TKTL1: variants seen among roughly 807,000 people sequenced by gnomAD.
TKTL1 encodes transketolase-like protein 1.
In TKTL1, 1 loss-of-function variant was observed where a neutral mutation model predicts 39.3. That is an observed-to-expected ratio of 0.03 (90% confidence interval 0.01 to 0.12). The LOEUF is 0.12. Ranked by LOEUF, TKTL1 falls within the 10% of genes least tolerant of loss-of-function variation. The probability of loss-of-function intolerance (pLI) is 1.00; values close to 1 mark genes in which losing one functional copy is unlikely to be tolerated. For missense variants in TKTL1, 575 were observed against 509.6 expected (o/e 1.13, Z -1.24); for synonymous variants, 262 against 193.8 (o/e 1.35, Z -2.92).
At chrX:154,306,345 A>T (rs1460340506) in intron 2 of TKTL1, among the ~76,000 whole-genome samples, 1 of 111,564 alleles carries the variant, frequency 9.0e-6, no homozygotes, top group Non-Finnish European at 1.9e-5. Flanking sequence ...ACTGTGTCCA[A>T]ATAGAAATGC....
At chrX:154,300,406 CATGAG>C (rs1429527047) in intron 1 of TKTL1, among the ~76,000 whole-genome samples, 1 of 112,530 alleles carries the variant, frequency 8.9e-6, no homozygotes, top group Non-Finnish European at 1.9e-5. Context: ...TATCCATGAG[CATGAG>C]ATATCTTTGT....
intron 8 of TKTL1, among the ~76,000 whole-genome samples, chrX:154,321,477 C>A (rs782709796): frequency 2.6e-5 from 2 of 75,506 alleles, no homozygotes; most frequent in African/African-American, 1.2e-4. Context: ...GGGATTGAAA[C>A]AAGGTGTGCA....
intron 1 of TKTL1, among the ~76,000 whole-genome samples, chrX:154,297,723 G>A (rs925066894): frequency 1.8e-5 from 2 of 110,699 alleles, no homozygotes; most frequent in Non-Finnish European, 1.9e-5. Flanking sequence ...CGGATCGTGT[G>A]AGCCTAGAAA....
chrX:154,322,229 CAAAA>C (rs34229834), intron 8 of TKTL1, among the ~76,000 whole-genome samples: 503 of 41,828 alleles, frequency 0.012, 5 homozygotes, highest in African/African-American at 0.037. Context: ...GAGGCTTTGT[CAAAA>C]AAAAAAAAAA....
At chrX:154,312,847 C>T (rs781827649) in intron 6 of TKTL1, 74 bp downstream of exon 6, 1 of 970,415 alleles carries the variant, frequency 1.0e-6, no homozygotes, top group East Asian at 3.2e-5. Flanking sequence ...TTCGTATGTA[C>T]ACAGGATTCT....
At chrX:154,306,875 G>A (rs1025567534) in intron 2 of TKTL1, among the ~76,000 whole-genome samples, 1 of 110,493 alleles carries the variant, frequency 9.1e-6, no homozygotes, top group Admixed American at 9.7e-5. Context: ...GGGCCCAAGC[G>A]CCCACCTCTG....
intron 2 of TKTL1, 96 bp downstream of exon 2, chrX:154,305,517 G>A (rs2067308489): frequency 4.8e-6 from 5 of 1,033,724 alleles, no homozygotes; most frequent in East Asian, 3.1e-5. Flanking sequence ...AATGGGCCTC[G>A]TTTATTATTT....
intron 7 of TKTL1, 80 bp downstream of exon 7, chrX:154,315,417 C>T: frequency 9.8e-7 from 1 of 1,016,532 alleles, no homozygotes; most frequent in Non-Finnish European, 1.3e-6. Context: ...GCTAGTTTTT[C>T]TTTCCATTTA....
chrX:154,296,425 G>A (rs1343094276), intron 1 of TKTL1, among the ~76,000 whole-genome samples: 4 of 111,085 alleles, frequency 3.6e-5, no homozygotes, highest in Non-Finnish European at 7.5e-5. Flanking sequence ...GTGAATGAGC[G>A]ACTCTAACCC....
At chrX:154,326,078 G>A (rs1434235598) in intron 10 of TKTL1, among the ~76,000 whole-genome samples, 1 of 112,130 alleles carries the variant, frequency 8.9e-6, no homozygotes, top group Non-Finnish European at 1.9e-5. Flanking sequence ...GAATAAAAGG[G>A]AACATGATCT....
chrX:154,298,199 C>T (rs1405914796), intron 1 of TKTL1, among the ~76,000 whole-genome samples: 3 of 110,653 alleles, frequency 2.7e-5, no homozygotes, highest in African/African-American at 9.9e-5. Context: ...GTATTAATGA[C>T]TCCACTTTAA....
chrX:154,322,322 A>G (rs1173503727), intron 8 of TKTL1, among the ~76,000 whole-genome samples: 2 of 108,259 alleles, frequency 1.8e-5, no homozygotes, highest in Non-Finnish European at 3.8e-5. Flanking sequence ...ATCTGTGGTC[A>G]GGAGTTTGAG....
intron 2 of TKTL1, 131 bp from the exon 3 acceptor site, chrX:154,309,214 A>G (rs2067336931): frequency 1.9e-6 from 1 of 532,710 alleles, no homozygotes; most frequent in South Asian, 2.7e-5. Context: ...TTCACCCAGC[A>G]GGGCGGGAGG....
intron 1 of TKTL1, among the ~76,000 whole-genome samples, chrX:154,302,490 C>G (rs1469585605): frequency 9.0e-6 from 1 of 111,095 alleles, no homozygotes; most frequent in Admixed American, 9.6e-5. Context: ...CCTTCCCCCC[C>G]GTATCCTCAC....
intron 10 of TKTL1, 134 bp from the exon 11 acceptor site, chrX:154,327,457 T>C: frequency 1.6e-6 from 1 of 611,265 alleles, no homozygotes; most frequent in African/African-American, 2.2e-5. Flanking sequence ...ATGCATCTGA[T>C]TTTTTTAGTA....
At chrX:154,299,385 C>T (rs1232316386) in intron 1 of TKTL1, among the ~76,000 whole-genome samples, 3 of 108,531 alleles carry the variant, frequency 2.8e-5, no homozygotes, top group African/African-American at 1.0e-4. Flanking sequence ...AAACTCCCGA[C>T]CTCAGGTGAT....
intron 1 of TKTL1, among the ~76,000 whole-genome samples, chrX:154,299,410 T>G (rs2067256178): frequency 9.4e-6 from 1 of 106,499 alleles, no homozygotes; most frequent in East Asian, 3.1e-4. Context: ...CCACCTCGGC[T>G]TCCCAAAGTG....
At chrX:154,311,448 A>G (rs2067356933) in intron 5 of TKTL1, among the ~76,000 whole-genome samples, 1 of 112,217 alleles carries the variant, frequency 8.9e-6, no homozygotes, top group Non-Finnish European at 1.9e-5. Flanking sequence ...TAGCAGGTGA[A>G]CAGTGATGTG....
intron 3 of TKTL1, among the ~76,000 whole-genome samples, chrX:154,310,194 C>T (rs1446506189): frequency 2.7e-5 from 3 of 111,327 alleles, no homozygotes; most frequent in Non-Finnish European, 5.7e-5. Flanking sequence ...CGGTGGCTCA[C>T]GCCTGTAATC....
Sources: gnomAD v4.1 joint callset for allele counts (sites outside exome capture counted in the v4.1 genomes callset) on GRCh38, gnomAD v4.1.1 for gene constraint, MANE v1.5 for transcripts, NCBI Gene and HGNC (gene_info 2026-07-23, HGNC 2026-07-21) for gene names.